ATXN3: variants seen among roughly 807,000 people sequenced by gnomAD.
ATXN3 encodes ataxin 3.
A neutral mutation model predicts 58.2 loss-of-function variants in ATXN3; 28 were observed. That is an observed-to-expected ratio of 0.48 (90% CI 0.36 to 0.66). ATXN3 has a LOEUF of 0.66. Ranked by LOEUF, ATXN3 falls within the 30% of genes least tolerant of loss-of-function variation. The probability of loss-of-function intolerance (pLI) is 0.00; values close to 1 mark genes in which losing one functional copy is unlikely to be tolerated. For synonymous variants in ATXN3, 113 were observed against 138.5 expected (o/e 0.82, Z 1.29); for missense variants, 321 against 422.1 (o/e 0.76, Z 2.10).
chr14:92,069,370 CCTTTT>C (rs2059036114), intron 10 of ATXN3, among the ~76,000 whole-genome samples: 1 of 112,280 alleles, frequency 8.9e-6, no homozygotes, highest in Admixed American at 9.1e-5. Context: ...CGTGTCCAGC[CCTTTT>C]TTTTTTTTTT....
intron 10 of ATXN3, among the ~76,000 whole-genome samples, chr14:92,065,093 G>A (rs1162592738): frequency 6.6e-6 from 1 of 152,148 alleles, no homozygotes; most frequent in Admixed American, 6.5e-5. Flanking sequence ...CCCTGCTATC[G>A]ATTTATATTC....
downstream of ATXN3, among the ~76,000 whole-genome samples, chr14:92,054,400 C>G (rs763685770): frequency 3.3e-5 from 5 of 152,132 alleles, no homozygotes; most frequent in Non-Finnish European, 7.3e-5. Context: ...AGGAGCTGGC[C>G]AAAACCCACC....
At chr14:92,096,290 G>A in intron 2 of ATXN3, 153 bp from the exon 3 acceptor site, 1 of 1,519,654 alleles carries the variant, frequency 6.6e-7, no homozygotes. Context: ...ATCCCTATAG[G>A]AAGAATGGCC....
chr14:92,102,543 G>A (rs56141463), intron 1 of ATXN3, among the ~76,000 whole-genome samples: 3,113 of 152,252 alleles, frequency 0.02, 112 homozygotes, highest in African/African-American at 0.071. Context: ...AGGTGCTCTC[G>A]GGAATGGGCT....
Position 92,079,293 on chromosome 14 carries a change from T to A in ATXN3, c.872+1672A>T, listed in dbSNP as rs1201881937. ...TTCTACTTTTGTATAAATTTGGAGT[T>A]TATTATAATAAAAAAGTTAATTTTG... On this transcript the variant is annotated intron_variant, in intron 9 of 10. Transcript: ENST00000644486. 7 of 298,272 alleles carry A rather than the reference T, an allele frequency of 2.3e-5. No homozygotes were observed. The East Asian group carries it at 5.2e-4, about 22-fold the overall frequency. The allele number at this position is 298,272 out of a possible 1,614,324, so 18.5% of individuals were successfully genotyped here. A position where few individuals can be genotyped will look rare whatever the true frequency, so the allele number is the denominator to read the frequency against.
intron 1 of ATXN3, among the ~76,000 whole-genome samples, chr14:92,103,152 AAAC>A (rs138074617): frequency 0.28 from 42,808 of 150,904 alleles, 6,313 homozygotes; most frequent in Admixed American, 0.37. Context: ...GAACTAAAAC[AAAC>A]AACAACAAAA....
At chr14:92,057,613 G>C (rs1174569959), downstream of ATXN3, among the ~76,000 whole-genome samples, 2 of 151,890 alleles carry the variant, frequency 1.3e-5, no homozygotes, top group African/African-American at 2.4e-5. Flanking sequence ...ATCGGGCCCC[G>C]GTCCTGTAAT....
chr14:92,063,647 C>G lies in ATXN3; in HGVS notation c.*673G>C, dbSNP rs529420712. 1 of 152,146 alleles carries G rather than the reference C, an allele frequency of 6.6e-6. No individual in the cohort carries two copies. Among genetic ancestry groups the G allele is most frequent in the Non-Finnish European group, 1.5e-5 (1 of 68,014 alleles). The allele number at this position is 152,146 out of a possible 1,614,324, so 9.4% of individuals were successfully genotyped here. Reference sequence around the variant, plus strand: ...GCTGATTTCAGAGTTTAGGAACGCACCAGTCATGAAATAATGATCCCATCG... The same window carrying G: ...GCTGATTTCAGAGTTTAGGAACGCAGCAGTCATGAAATAATGATCCCATCG... On this transcript the variant is annotated 3_prime_UTR_variant, in exon 11 of 11. Transcript: ENST00000644486.
chr14:92,050,854 G>C (rs1001211211), upstream of ATXN3, among the ~76,000 whole-genome samples: 24 of 152,280 alleles, frequency 1.6e-4, no homozygotes, highest in African/African-American at 5.8e-4. Flanking sequence ...CTTGAAGTGA[G>C]CCATCGGCCT....
chr14:92,095,963 T>G (rs2065127000), intron 3 of ATXN3, 130 bp downstream of exon 3: 1 of 776,780 alleles, frequency 1.3e-6, no homozygotes, highest in Non-Finnish European at 2.2e-6. Flanking sequence ...AATCTAGTAC[T>G]CTAGAGTATA....
intron 6 of ATXN3, among the ~76,000 whole-genome samples, chr14:92,088,360 G>A (rs970195077): frequency 3.3e-4 from 50 of 152,182 alleles, no homozygotes; most frequent in South Asian, 6.2e-4. Flanking sequence ...GTGAGCCACC[G>A]TGCCCAGCCG....
At position 92,080,988 on chromosome 14, in the gene ATXN3, C is replaced by T; in HGVS notation, c.849G>A (p.Lys283=). 2 of 1,611,576 alleles carry T rather than the reference C, an allele frequency of 1.2e-6. No homozygotes were observed. Among genetic ancestry groups the T allele is most frequent in the Non-Finnish European group, 1.7e-6 (2 of 1,177,908 alleles). ...GTNLTSEELR[K]RREAYFEKQQ... is the part of the protein sequence containing the mutation. The stretch of plus-strand genomic sequence containing the variant: ...ACTTTTCAAAGTAGGCTTCTCGTCT[C>T]TTCCGAAGCTCTTCTGAAGTAAGAT... Residue 283 remains lysine, a synonymous_variant, in exon 9 of 11, where the codon AAG becomes AAA. Coordinates refer to ENST00000644486, the MANE Select transcript of ATXN3 (RefSeq NM_004993.6).
At chr14:92,106,485 G>A (rs767876813) in intron 1 of ATXN3, 44 bp downstream of exon 1, 2 of 1,610,560 alleles carry the variant, frequency 1.2e-6, no homozygotes, top group East Asian at 2.2e-5. Flanking sequence ...CTCCACGCCC[G>A]CCACCGCGCG....
chr14:92,070,760 T>TTTTTTTTTTTA (rs1566920034), intron 10 of ATXN3, 175 bp downstream of exon 10: 1 of 1,164,238 alleles, frequency 8.6e-7, no homozygotes, highest in African/African-American at 1.7e-5. Flanking sequence ...TTTTTTTTTT[T>TTTTTTTTTTTA]CTTTTGGTAA....
intron 6 of ATXN3, among the ~76,000 whole-genome samples, chr14:92,083,767 G>T (rs1222772226): frequency 6.6e-6 from 1 of 152,192 alleles, no homozygotes; most frequent in African/African-American, 2.4e-5. Context: ...GGGTGTGTCT[G>T]CGAGGGTGTT....
rs2058011083 is a variant in ATXN3, at chr14:92,064,433, AC to A, written c.992-20del. 1 of 1,554,022 alleles carries A rather than the reference AC, an allele frequency of 6.4e-7. No individual in the cohort carries two copies. The highest frequency in any genetic ancestry group is 1.8e-5 in the Admixed American group (1 of 55,406). ...GCATCACCTGTTGGGAAACAAAACC[AC>A]ATTTCTTTAAAATTTCCAGAAAATT... On this transcript the variant is annotated intron_variant, in intron 10 of 10. Transcript: ENST00000644486.
At chr14:92,056,667 C>T (rs959303673), downstream of ATXN3, among the ~76,000 whole-genome samples, 3 of 152,126 alleles carry the variant, frequency 2.0e-5, no homozygotes, top group Admixed American at 6.6e-5. Flanking sequence ...ACAAGAGACT[C>T]TCATAGGCAG....
intron 1 of ATXN3, among the ~76,000 whole-genome samples, chr14:92,106,224 A>G (rs1375018061): frequency 2.0e-5 from 3 of 152,106 alleles, no homozygotes; most frequent in Non-Finnish European, 2.9e-5. Flanking sequence ...AAAGCGATGG[A>G]AAGTGACGGA....
At chr14:92,053,086 T>C (rs534968684), upstream of ATXN3, among the ~76,000 whole-genome samples, 5 of 152,202 alleles carry the variant, frequency 3.3e-5, no homozygotes, top group African/African-American at 9.6e-5. Context: ...ACCCCGTCTC[T>C]ACTAAAAATA....
Sources: gnomAD v4.1 joint callset for allele counts (sites outside exome capture counted in the v4.1 genomes callset) on GRCh38, gnomAD v4.1.1 for gene constraint, MANE v1.5 for transcripts, NCBI Gene and HGNC (gene_info 2026-07-23, HGNC 2026-07-21) for gene names.